ZDHHC11B: variants seen among roughly 807,000 people sequenced by gnomAD.
ZDHHC11B encodes probable palmitoyltransferase ZDHHC11B.
In ZDHHC11B, 17 loss-of-function variants were observed where a neutral mutation model predicts 42.3. The observed-to-expected ratio is 0.40, with a 90% confidence interval of 0.27 to 0.60. The LOEUF (loss-of-function observed/expected upper bound fraction) is 0.60. ZDHHC11B is among the 20% of genes least tolerant of loss of function. The pLI is 0.41. For missense variants in ZDHHC11B, 262 were observed against 463.2 expected, an observed-to-expected ratio of 0.57 and a Z score of 3.99; for synonymous variants, 123 against 193.5, an observed-to-expected ratio of 0.64 and a Z score of 3.02.
chr5:784,258 ACCGGCGG>A (rs1246571115), intron 1 of ZDHHC11B, among the ~76,000 whole-genome samples: 1 of 151,298 alleles, frequency 6.6e-6, no homozygotes, highest in African/African-American at 2.4e-5. Context: ...CACGCCTCAC[ACCGGCGG>A]CCCCCTACGC....
Position 728,478 on chromosome 5 carries a change from G to A in ZDHHC11B, c.1058+1956C>T, listed in dbSNP as rs935882521. 4.6e-5 allele frequency among the ~76,000 whole-genome samples: 7 copies of A among 151,854 alleles called. 1 individual carries two copies. The highest frequency in any genetic ancestry group is 1.7e-4 in the African/African-American group (7 of 41,220). On this transcript the variant is annotated intron_variant, in intron 12 of 13. Coordinates refer to ENST00000508859, the MANE Select transcript of ZDHHC11B (RefSeq NM_001351303.2). ...TTGGTCATAAACTTAATATCCTGTA[G>A]TGAACAATGGTTGACTAAGCCACGG...
At chr5:718,857 G>A (rs7703455) in intron 12 of ZDHHC11B, among the ~76,000 whole-genome samples, 93,544 of 150,208 alleles carry the variant, frequency 0.62, 25,520 homozygotes, top group Non-Finnish European at 0.64. Flanking sequence ...CAGAGTGAGC[G>A]TCAGGGACCT....
At chr5:738,665 C>CAATA (rs1743800081) in intron 10 of ZDHHC11B, among the ~76,000 whole-genome samples, 1 of 138,780 alleles carries the variant, frequency 7.2e-6, no homozygotes. Context: ...AATCGATCTT[C>CAATA]AACAAACAAA....
intron 12 of ZDHHC11B, among the ~76,000 whole-genome samples, chr5:724,533 G>C (rs1177852297): frequency 6.9e-6 from 1 of 144,546 alleles, no homozygotes; most frequent in Non-Finnish European, 1.5e-5. Context: ...CTGCCACTAC[G>C]CCTGGCTAAT....
intron 12 of ZDHHC11B, among the ~76,000 whole-genome samples, chr5:721,355 ATTACT>A (rs1336960746): frequency 1.3e-5 from 2 of 151,530 alleles, no homozygotes; most frequent in African/African-American, 2.4e-5. Flanking sequence ...CTTATCAGTA[ATTACT>A]TTAAACATTA....
At chr5:729,603 T>G (rs1742859649) in intron 12 of ZDHHC11B, among the ~76,000 whole-genome samples, 1 of 151,216 alleles carries the variant, frequency 6.6e-6, no homozygotes, top group African/African-American at 2.4e-5. Flanking sequence ...TTTGAGCCAA[T>G]GACTCTTACC....
chr5:784,024 A>C (rs1579480279), intron 1 of ZDHHC11B, among the ~76,000 whole-genome samples: 2 of 151,276 alleles, frequency 1.3e-5, no homozygotes, highest in Admixed American at 1.3e-4. Context: ...GGGGTGCGGG[A>C]AGGTGTCCCG....
In ZDHHC11B at chr5:784,018, T is replaced by G. The variant is rs1202625977; in HGVS notation, c.-230+650A>C. 5.2e-4 allele frequency among the ~76,000 whole-genome samples: 79 copies of G among 151,194 alleles called. 1 individual carries two copies. The highest frequency in any genetic ancestry group is 1.9e-3 in the African/African-American group (79 of 41,176). ...GATCCTCGGGCGCTGCTCCCAGGGG[T>G]GCGGGAAGGTGTCCCGGCAGCGCCT... is the stretch of plus-strand genomic sequence containing the variant. On this transcript the variant is annotated intron_variant, in intron 1 of 13. Transcript: ENST00000508859.
intron 4 of ZDHHC11B, among the ~76,000 whole-genome samples, chr5:759,704 C>T (rs1260104119): frequency 6.6e-6 from 1 of 151,976 alleles, no homozygotes; most frequent in African/African-American, 2.4e-5. Context: ...GCCTGGCACT[C>T]AAACGTCCGC....
At chr5:780,720 A>G (rs1357038149) in intron 1 of ZDHHC11B, among the ~76,000 whole-genome samples, 4 of 150,546 alleles carry the variant, frequency 2.7e-5, no homozygotes, top group African/African-American at 4.9e-5. Flanking sequence ...GCACTGGCGA[A>G]GGTGGCAGGA....
Position 722,787 on chromosome 5 carries a change from G to T in ZDHHC11B, c.1059-5922C>A, listed in dbSNP as rs1270391278. Among the ~76,000 whole-genome samples the T allele has an allele frequency of 4.0e-5, 6 of 151,336 alleles. 1 individual carries two copies. Among genetic ancestry groups the T allele is most frequent in the Non-Finnish European group, 7.4e-5 (5 of 67,930 alleles). ...CAGAGGGGGTAATTAAGTGTGGTAC[G>T]GGGTGGAACAGCCACAGAAGCAAAC... On this transcript the variant is annotated intron_variant, in intron 12 of 13. Coordinates refer to ENST00000508859, the MANE Select transcript of ZDHHC11B (RefSeq NM_001351303.2).
In ZDHHC11B at chr5:744,122, A is replaced by G. The variant is rs373335554; in HGVS notation, c.900+1061T>C. Among the ~76,000 whole-genome samples the G allele has an allele frequency of 1.3e-4, 19 of 149,914 alleles. 3 individuals carry two copies. In the East Asian group the frequency reaches 3.9e-3, roughly 31 times the overall value. ...CGTTCTCTATTGGACTAAGGTGCTG[A>G]GCTGTAGTAATTGATTCCTAGGCCT... On this transcript the variant is annotated intron_variant, in intron 9 of 13. Transcript: ENST00000508859.
chr5:757,733 ACT>A (rs1311536354), intron 4 of ZDHHC11B, among the ~76,000 whole-genome samples: 1 of 151,546 alleles, frequency 6.6e-6, no homozygotes, highest in Non-Finnish European at 1.5e-5. Flanking sequence ...TGGGGAGGAG[ACT>A]CTGTGTGTGC....
chr5:732,572 C>G (rs1385853423), intron 11 of ZDHHC11B: 1 of 432,700 alleles, frequency 2.3e-6, no homozygotes, highest in African/African-American at 2.0e-5. Flanking sequence ...TGGACACCAG[C>G]CTCACTGTTC....
Position 738,946 on chromosome 5 carries a change from T to C in ZDHHC11B, c.935+2648A>G, listed in dbSNP as rs1297880402. 8.6e-5 allele frequency among the ~76,000 whole-genome samples: 13 copies of C among 151,144 alleles called. 1 individual carries two copies. Among genetic ancestry groups the C allele is most frequent in the Admixed American group, 2.6e-4 (4 of 15,216 alleles). On this transcript the variant is annotated intron_variant, in intron 10 of 13. Coordinates refer to ENST00000508859, the MANE Select transcript of ZDHHC11B (RefSeq NM_001351303.2). The stretch of plus-strand genomic sequence containing the variant: ...ATAAATAGATGCAATTTATCTTAAT[T>C]TATCTTTATTTTAAATAAGTACCTT...
chr5:732,338 C>T (rs1743077940), intron 11 of ZDHHC11B: 1 of 210,560 alleles, frequency 4.7e-6, no homozygotes, highest in South Asian at 7.6e-5. Context: ...CACTATTCAT[C>T]CACACATAGA....
chr5:718,084 A>G (rs1741892359), intron 12 of ZDHHC11B, among the ~76,000 whole-genome samples: 1 of 151,906 alleles, frequency 6.6e-6, no homozygotes, highest in African/African-American at 2.4e-5. Context: ...AAAGAAAAGA[A>G]AATATTAATT....
chr5:761,032 C>T (rs2127157948), intron 4 of ZDHHC11B, among the ~76,000 whole-genome samples: 1 of 151,972 alleles, frequency 6.6e-6, no homozygotes, highest in Middle Eastern at 3.4e-3. Context: ...CAGGCGGGCG[C>T]TGTGCTGACC....
At position 747,629 on chromosome 5, in the gene ZDHHC11B, C is replaced by T. The variant is rs184113554; in HGVS notation, c.784+775G>A. 342 of 154,088 alleles carry T rather than the reference C, an allele frequency of 2.2e-3. 3 individuals are homozygous for T. The highest frequency in any genetic ancestry group is 7.9e-3 in the African/African-American group (323 of 40,716). The allele number at this position is 154,088 out of a possible 1,614,324, so 9.5% of individuals were successfully genotyped here. On this transcript the variant is annotated intron_variant, in intron 8 of 13. Transcript: ENST00000508859. ...GATGGAGGTGAGCCCAGAGCCTGAC[C>T]CACCCGATCCCCTCTGCCCTGACTA...
Sources: allele counts gnomAD v4.1 joint callset (sites outside exome capture counted in the v4.1 genomes callset), GRCh38; gene constraint gnomAD v4.1.1; transcripts MANE v1.5; gene names NCBI Gene and HGNC (gene_info 2026-07-23, HGNC 2026-07-21).